Variants in CNOT10 observed in about 807,000 individuals in gnomAD.
CNOT10 encodes CCR4-NOT transcription complex, subunit 10.
A neutral mutation model predicts 94.6 loss-of-function variants in CNOT10; 30 were observed. The observed-to-expected ratio is 0.32, with a 90% CI of 0.24 to 0.43. The LOEUF (loss-of-function observed/expected upper bound fraction) is 0.43. Ranked by LOEUF, CNOT10 falls within the 20% of genes least tolerant of loss-of-function variation. The pLI is 1.00. For synonymous variants in CNOT10, 289 were observed against 301.6 expected (o/e 0.96, Z 0.43); for missense variants, 759 against 877.2 (o/e 0.87, Z 1.70).
chr3:32,760,798 G>A (rs1700411051), intron 14 of CNOT10, among the ~76,000 whole-genome samples: 2 of 151,740 alleles, frequency 1.3e-5, no homozygotes, highest in African/African-American at 4.8e-5. Context: ...TGGCTTTTTA[G>A]TGATCCCCAA....
chr3:32,725,915 TA>T (rs1248705674), intron 9 of CNOT10, among the ~76,000 whole-genome samples: 5 of 138,502 alleles, frequency 3.6e-5, no homozygotes, highest in African/African-American at 1.4e-4. Flanking sequence ...TGTGCCAAAC[TA>T]GGTTTATTAT....
At chr3:32,751,832 C>T (rs973215615) in intron 13 of CNOT10, among the ~76,000 whole-genome samples, 7 of 152,154 alleles carry the variant, frequency 4.6e-5, no homozygotes, top group African/African-American at 1.7e-4. Flanking sequence ...GTGTGGTCCT[C>T]CTGAAACTTG....
At chr3:32,743,763 C>T (rs1257355310) in intron 13 of CNOT10, among the ~76,000 whole-genome samples, 1 of 152,150 alleles carries the variant, frequency 6.6e-6, no homozygotes, top group African/African-American at 2.4e-5. Context: ...GGATTCCTCT[C>T]AGAGTTTTGT....
intron 1 of CNOT10, among the ~76,000 whole-genome samples, chr3:32,687,128 G>A (rs1363417178): frequency 1.3e-5 from 2 of 152,136 alleles, no homozygotes; most frequent in African/African-American, 4.8e-5. Context: ...TAAAATAGAT[G>A]AGTGTTTAGT....
intron 2 of CNOT10, 49 bp downstream of exon 2, chr3:32,704,011 G>A (rs1473996056): frequency 1.8e-6 from 2 of 1,135,982 alleles, no homozygotes; most frequent in African/African-American, 3.1e-5. Flanking sequence ...GTTCTGTCAA[G>A]TATGAATCTT....
intron 7 of CNOT10, among the ~76,000 whole-genome samples, chr3:32,719,120 G>A (rs1283389912): frequency 2.6e-5 from 4 of 152,142 alleles, no homozygotes; most frequent in African/African-American, 7.2e-5. Flanking sequence ...GTGGTGGCAT[G>A]CGCCTGTAAT....
intron 1 of CNOT10, among the ~76,000 whole-genome samples, chr3:32,696,419 AGT>A (rs1697072577): frequency 6.6e-6 from 1 of 152,136 alleles, no homozygotes; most frequent in Non-Finnish European, 1.5e-5. Flanking sequence ...CCTCCTGAGT[AGT>A]GAAGTGTGTT....
intron 8 of CNOT10, among the ~76,000 whole-genome samples, chr3:32,724,554 A>G (rs1265170389): frequency 6.6e-6 from 1 of 151,706 alleles, no homozygotes; most frequent in East Asian, 1.9e-4. Flanking sequence ...CTGGGACTAC[A>G]CGCGCCCGCC....
chr3:32,739,794 G>A lies in CNOT10; in HGVS notation c.1595+2304G>A, dbSNP rs565080805. 1.6e-4 allele frequency among the ~76,000 whole-genome samples: 25 copies of A among 152,148 alleles called. No homozygotes were observed. The South Asian group carries it at 1.7e-3, about 10-fold the overall frequency. ...ACAAAAGTTGGCCAGGTGTGGTGGCGGGTGCCTGTAATTCCAGCTACTTGG... is the reference window on the plus strand; with the variant it reads ...ACAAAAGTTGGCCAGGTGTGGTGGCAGGTGCCTGTAATTCCAGCTACTTGG... On this transcript the variant is annotated intron_variant, in intron 13 of 18. Coordinates refer to ENST00000328834, the MANE Select transcript of CNOT10 (RefSeq NM_015442.3).
intron 1 of CNOT10, among the ~76,000 whole-genome samples, chr3:32,690,015 A>C (rs1442354307): frequency 6.6e-6 from 1 of 152,186 alleles, no homozygotes; most frequent in Non-Finnish European, 1.5e-5. Context: ...GCAGCATGGC[A>C]AGAGATAAAG....
At chr3:32,732,261 G>A (rs957526962) in intron 10 of CNOT10, among the ~76,000 whole-genome samples, 1 of 150,414 alleles carries the variant, frequency 6.6e-6, no homozygotes, top group African/African-American at 2.5e-5. Context: ...GTGGTGACAG[G>A]CGCCTGTAAT....
chr3:32,691,168 T>C (rs368446907), intron 1 of CNOT10, among the ~76,000 whole-genome samples: 2,786 of 148,344 alleles, frequency 0.019, 59 homozygotes, highest in East Asian at 0.045. Flanking sequence ...GCTTTTTTTT[T>C]TTTTTTTTTT....
rs140295202 is a variant in CNOT10, at chr3:32,772,237, C to T, written c.2081-1220C>T. ...TGTTGGCATACAGTTGTAGTTCCAG[C>T]TACTCAGCAGGCTGAGGCAGGAGAA... On this transcript the variant is annotated intron_variant, in intron 18 of 18. Transcript: ENST00000328834. Among the ~76,000 whole-genome samples, 891 of 152,278 alleles carry T rather than the reference C, an allele frequency of 5.9e-3. 5 individuals carry two copies. Among genetic ancestry groups the T allele is most frequent in the Middle Eastern group, 0.024 (7 of 294 alleles).
At chr3:32,720,070 C>A in intron 7 of CNOT10, 44 bp from the exon 8 acceptor site, 2 of 944,410 alleles carry the variant, frequency 2.1e-6, no homozygotes, top group Non-Finnish European at 3.2e-6. Flanking sequence ...TTACATTAGG[C>A]GTCTGAAAAC....
chr3:32,685,222 G>A lies in CNOT10; in HGVS notation c.-239G>A, dbSNP rs988486045. ...CGGGACGCCGTGAGGCGGAAGCTGTGTATGGCGGGAGGCTGTGGCGGTCCC... is the reference window on the plus strand; with the variant it reads ...CGGGACGCCGTGAGGCGGAAGCTGTATATGGCGGGAGGCTGTGGCGGTCCC... On this transcript the variant is annotated 5_prime_UTR_variant, in exon 1 of 19. Transcript: ENST00000328834. 2.6e-4 allele frequency: 130 copies of A among 492,286 alleles called. No homozygotes were observed. The South Asian group carries it at 2.9e-3, about 11-fold the overall frequency. 30.5% of individuals were successfully genotyped at this position (492,286 alleles called of 1,614,324 possible). A position where few individuals can be genotyped will look rare whatever the true frequency, so the allele number is the denominator to read the frequency against.
At chr3:32,748,180 T>C (rs1197260775) in intron 13 of CNOT10, among the ~76,000 whole-genome samples, 1 of 152,216 alleles carries the variant, frequency 6.6e-6, no homozygotes, top group African/African-American at 2.4e-5. Flanking sequence ...ATATTTCTCT[T>C]GAACAGAGCT....
At chr3:32,731,316 C>T (rs1296212798) in intron 10 of CNOT10, among the ~76,000 whole-genome samples, 1 of 152,106 alleles carries the variant, frequency 6.6e-6, no homozygotes, top group African/African-American at 2.4e-5. Context: ...AGTAACAGTA[C>T]AGAAACATTT....
chr3:32,741,864 C>T (rs549463954), intron 13 of CNOT10, among the ~76,000 whole-genome samples: 10 of 151,482 alleles, frequency 6.6e-5, no homozygotes, highest in African/African-American at 2.2e-4. Flanking sequence ...ATGAGTGATC[C>T]AGTTTCTTTA....
intron 13 of CNOT10, among the ~76,000 whole-genome samples, chr3:32,738,757 C>T (rs531974015): frequency 4.1e-4 from 63 of 152,080 alleles, no homozygotes; most frequent in African/African-American, 1.1e-3. Flanking sequence ...CCACAGCATC[C>T]GGCCTGTATT....
Sources: allele counts gnomAD v4.1 joint callset (sites outside exome capture counted in the v4.1 genomes callset), GRCh38; gene constraint gnomAD v4.1.1; transcripts MANE v1.5; gene names NCBI Gene and HGNC (gene_info 2026-07-23, HGNC 2026-07-21).